SLAIN1: variants seen among roughly 807,000 people sequenced by gnomAD.
SLAIN1 encodes SLAIN motif-containing protein 1.
SLAIN1 carries 17 observed loss-of-function variants against 55.4 expected under a neutral mutation model. The ratio of observed to expected loss-of-function variants is 0.31; its 90% CI spans 0.21 to 0.46. The LOEUF (loss-of-function observed/expected upper bound fraction) is 0.46, where lower values mean the gene tolerates loss of function less well. Ranked by LOEUF, SLAIN1 falls within the 20% of genes least tolerant of loss-of-function variation. SLAIN1 has a pLI of 1.00. For missense variants in SLAIN1, 682 were observed against 785.1 expected (o/e 0.87, Z 1.57); for synonymous variants, 348 against 337.4 (o/e 1.03, Z -0.35).
In SLAIN1 at chr13:77,763,360, A is replaced by G. The variant is rs1875210965; in HGVS notation, c.*140A>G. 1.6e-6 allele frequency: 1 copy of G among 637,462 alleles called. No homozygotes were observed. The highest frequency in any genetic ancestry group is 3.0e-5 in the Admixed American group (1 of 33,654). The allele number at this position is 637,462 out of a possible 1,614,324, so 39.5% of individuals were successfully genotyped here. On this transcript the variant is annotated 3_prime_UTR_variant, in exon 7 of 7. Transcript: ENST00000418532. The stretch of plus-strand genomic sequence containing the variant: ...TATTTACTGCATTGTTTCTCAATGG[A>G]CCAGTCACCAGAGACTAATTATTGC...
chr13:77,738,175 T>A (rs1873225708), intron 2 of SLAIN1, among the ~76,000 whole-genome samples: 1 of 151,640 alleles, frequency 6.6e-6, no homozygotes, highest in Admixed American at 6.6e-5. Context: ...TCTGAATCAT[T>A]CTGGAGCACT....
chr13:77,737,729 A>G (rs1385327055), intron 2 of SLAIN1, among the ~76,000 whole-genome samples: 1 of 152,134 alleles, frequency 6.6e-6, no homozygotes, highest in Non-Finnish European at 1.5e-5. Context: ...AGATTCCCCC[A>G]GAAAGTTAAT....
At chr13:77,714,438 C>A (rs919091940) in intron 1 of SLAIN1, among the ~76,000 whole-genome samples, 1 of 152,032 alleles carries the variant, frequency 6.6e-6, no homozygotes, top group Admixed American at 6.6e-5. Context: ...ATAGGAAGAC[C>A]ACATCTCTAC....
chr13:77,725,137 C>T (rs370122754), intron 2 of SLAIN1, among the ~76,000 whole-genome samples: 5 of 152,126 alleles, frequency 3.3e-5, no homozygotes, highest in African/African-American at 9.7e-5. Context: ...TAAGATGGGT[C>T]GGGGTCCTTG....
At chr13:77,722,868 T>G (rs1278222583) in intron 2 of SLAIN1, among the ~76,000 whole-genome samples, 2 of 152,168 alleles carry the variant, frequency 1.3e-5, no homozygotes, top group Admixed American at 1.3e-4. Context: ...GGCCTCAGCC[T>G]CCTGAGTAGC....
chr13:77,732,824 A>G (rs1054446725), intron 2 of SLAIN1, among the ~76,000 whole-genome samples: 7 of 152,094 alleles, frequency 4.6e-5, no homozygotes, highest in Admixed American at 6.6e-5. Context: ...CCAATGATTA[A>G]GTGGAAACAA....
rs2091001151 is a variant in SLAIN1 at position 77,698,833 on chromosome 13, C to T, written c.626+294C>T. Reference sequence around the variant, plus strand: ...TTTGCTGATTGTTGGGTCCCAAGCTCCTCGTTAGCATTAAGTGCAAAATCC... The same window carrying T: ...TTTGCTGATTGTTGGGTCCCAAGCTTCTCGTTAGCATTAAGTGCAAAATCC... On this transcript the variant is annotated intron_variant, in intron 1 of 6. Coordinates refer to ENST00000418532, the MANE Select transcript of SLAIN1 (RefSeq NM_001242868.2). This position sits in a 1 kb window ranked among gnomAD's most constrained non-coding sequence, Gnocchi z 4.1. 9 of 1,473,418 alleles carry T rather than the reference C, an allele frequency of 6.1e-6. No individual in the cohort carries two copies. The highest frequency in any genetic ancestry group is 2.1e-5 in the Admixed American group (1 of 47,196). 91.3% of individuals were successfully genotyped at this position (1,473,418 alleles called of 1,614,324 possible). A position where few individuals can be genotyped will look rare whatever the true frequency, so the allele number is the denominator to read the frequency against.
chr13:77,753,998 T>C (rs1874423643), intron 5 of SLAIN1, among the ~76,000 whole-genome samples: 1 of 152,216 alleles, frequency 6.6e-6, no homozygotes, highest in Non-Finnish European at 1.5e-5. Context: ...TCACTTTATG[T>C]GGGGATGTGC....
intron 2 of SLAIN1, among the ~76,000 whole-genome samples, chr13:77,738,856 G>T (rs1490518612): frequency 1.3e-5 from 2 of 152,066 alleles, no homozygotes; most frequent in African/African-American, 4.8e-5. Context: ...GGCCCAAACA[G>T]AATTGCAGCC....
At chr13:77,730,092 A>G (rs1310313152) in intron 2 of SLAIN1, among the ~76,000 whole-genome samples, 2 of 152,174 alleles carry the variant, frequency 1.3e-5, no homozygotes, top group Non-Finnish European at 2.9e-5. Flanking sequence ...GTGGGACATA[A>G]TGTGAGGAAA....
intron 2 of SLAIN1, chr13:77,741,231 GAACT>G (rs1873414395): frequency 5.1e-6 from 5 of 986,548 alleles, no homozygotes; most frequent in Non-Finnish European, 6.0e-6. Context: ...CAGTCACAAA[GAACT>G]ATTGGTCTTT....
intron 1 of SLAIN1, among the ~76,000 whole-genome samples, chr13:77,716,012 C>T (rs2091203088): frequency 2.0e-5 from 3 of 152,014 alleles, no homozygotes; most frequent in Non-Finnish European, 2.9e-5. Flanking sequence ...GACACACATA[C>T]TTTTACCTTT....
At position 77,763,206 on chromosome 13, in the gene SLAIN1, G is replaced by A; in HGVS notation, c.1759G>A (p.Asp587Asn). 1 of 1,613,972 alleles carries A rather than the reference G, an allele frequency of 6.2e-7. No individual in the cohort carries two copies. Among genetic ancestry groups the A allele is most frequent in the Non-Finnish European group, 8.5e-7 (1 of 1,179,834 alleles). ...CACTCTGAGGGATGGAAATTGGAGA[G>A]ATGGTTGCTACTAATGCAGTTTTAT... ...LSTLRDGNWR[D>N]GCY The change falls in exon 7 of 7, where the codon GAT becomes AAT. Residue 587 changes from aspartate to asparagine, a missense_variant. By Grantham distance (23) the Asp-to-Asn change is conservative (BLOSUM62 1). This residue lies in a region of SLAIN1 where 244 missense variants were observed against 295.2 expected (regional missense o/e 0.83). Coordinates refer to ENST00000418532, the MANE Select transcript of SLAIN1 (RefSeq NM_001242868.2).
In SLAIN1 at chr13:77,749,001, C is replaced by T. The variant is rs371900228; in HGVS notation, c.1258+2146C>T. On this transcript the variant is annotated intron_variant, in intron 4 of 6. Coordinates refer to ENST00000418532, the MANE Select transcript of SLAIN1 (RefSeq NM_001242868.2). ...ATGTGCTAAATAAAGGTTGTCTTCTCCCCTTTTGTTTTTAAACTTTTATTA... is the reference window on the plus strand; with the variant it reads ...ATGTGCTAAATAAAGGTTGTCTTCTTCCCTTTTGTTTTTAAACTTTTATTA... 1.1e-4 allele frequency among the ~76,000 whole-genome samples: 16 copies of T among 152,262 alleles called. No individual in the cohort carries two copies. In the South Asian group the frequency reaches 3.1e-3, roughly 30 times the overall value.
rs533052281 is a variant in SLAIN1 at position 77,706,445 on chromosome 13, A to G, written c.626+7906A>G. Among the ~76,000 whole-genome samples the G allele has an allele frequency of 1.6e-4, 24 of 152,202 alleles. No homozygotes were observed. The South Asian group carries it at 4.1e-3, about 26-fold the overall frequency. ...CAGAAATTATTTCCCCAAACACGCTAAAGGAGCCATAAAATCCCTCATTAA... is the reference window on the plus strand; with the variant it reads ...CAGAAATTATTTCCCCAAACACGCTGAAGGAGCCATAAAATCCCTCATTAA... On this transcript the variant is annotated intron_variant, in intron 1 of 6. Transcript: ENST00000418532.
chr13:77,731,173 G>T (rs1872843698), intron 2 of SLAIN1, among the ~76,000 whole-genome samples: 1 of 152,018 alleles, frequency 6.6e-6, no homozygotes. Context: ...AAAAAGCCAT[G>T]CACCTAGATC....
At chr13:77,708,331 C>G (rs1007221383) in intron 1 of SLAIN1, among the ~76,000 whole-genome samples, 1 of 152,150 alleles carries the variant, frequency 6.6e-6, no homozygotes, top group Non-Finnish European at 1.5e-5. Flanking sequence ...TTGGAGGAAG[C>G]TTCCTAGCAG....
intron 2 of SLAIN1, 73 bp from the exon 3 acceptor site, chr13:77,744,210 A>G (rs753085957): frequency 9.7e-5 from 107 of 1,102,126 alleles, no homozygotes; most frequent in Admixed American, 2.0e-4. Context: ...CTGACTGTTT[A>G]TATATGAATT....
chr13:77,702,059 T>C (rs990097862), intron 1 of SLAIN1, among the ~76,000 whole-genome samples: 4 of 149,680 alleles, frequency 2.7e-5, no homozygotes, highest in African/African-American at 9.9e-5. Flanking sequence ...AGAATGATGA[T>C]TTCCAATTTC....
Sources: gnomAD v4.1 joint callset for allele counts (sites outside exome capture counted in the v4.1 genomes callset) on GRCh38, gnomAD v4.1.1 for gene constraint, gnomAD v4.1.1 regional missense constraint, Gnocchi (gnomAD v3.1) non-coding constraint, MANE v1.5 for transcripts, NCBI Gene and HGNC (gene_info 2026-07-23, HGNC 2026-07-21) for gene names.